PRKN: variants seen among roughly 807,000 people sequenced by gnomAD.
PRKN encodes parkin RBR E3 ubiquitin protein ligase, also known as E3 ubiquitin-protein ligase parkin.
PRKN carries 56 observed loss-of-function variants against 59.5 expected under a neutral mutation model. The observed-to-expected ratio is 0.94, with a 90% CI of 0.76 to 1.18. The LOEUF is 1.18. Among genes scored for constraint, PRKN ranks in the 50% most tolerant of loss-of-function variants. The pLI is 0.00. For missense variants in PRKN, 657 were observed against 596.4 expected (o/e 1.10, Z -1.06); for synonymous variants, 250 against 222.1 (o/e 1.13, Z -1.12).
chr6:162,709,589 G>A (rs1778454652), intron 1 of PRKN, among the ~76,000 whole-genome samples: 1 of 152,158 alleles, frequency 6.6e-6, no homozygotes. Context: ...AAGGGCAATT[G>A]ATGCCAATAT....
At chr6:162,612,679 A>G (rs946050069) in intron 1 of PRKN, among the ~76,000 whole-genome samples, 4 of 152,048 alleles carry the variant, frequency 2.6e-5, no homozygotes, top group Non-Finnish European at 4.4e-5. Context: ...CATCAACAGC[A>G]TAAGTTCTTC....
chr6:161,717,104 A>C (rs900355213), intron 7 of PRKN, among the ~76,000 whole-genome samples: 1 of 152,180 alleles, frequency 6.6e-6, no homozygotes, highest in Non-Finnish European at 1.5e-5. Flanking sequence ...GGCAAGAAAC[A>C]CACAGGATGT....
intron 7 of PRKN, among the ~76,000 whole-genome samples, chr6:161,686,271 G>A (rs891081499): frequency 2.0e-5 from 3 of 152,086 alleles, no homozygotes; most frequent in African/African-American, 7.2e-5. Context: ...CACTTGGTGG[G>A]ATTTCAGCAA....
Position 162,595,548 on chromosome 6 carries a change from G to A in PRKN, c.7+132114C>T, listed in dbSNP as rs375958231. Among the ~76,000 whole-genome samples, 16 of 152,174 alleles carry A rather than the reference G, an allele frequency of 1.1e-4. No individual in the cohort carries two copies. The East Asian group carries it at 2.3e-3, about 22-fold the overall frequency. ...TGGGATTACAGGCGTGAGCCACTGC[G>A]CCTGGCTTGTTCCTGATTTTTCTTG... On this transcript the variant is annotated intron_variant, in intron 1 of 11. Coordinates refer to ENST00000366898, the MANE Select transcript of PRKN (RefSeq NM_004562.3).
At chr6:162,405,506 G>C (rs1788012811) in intron 2 of PRKN, among the ~76,000 whole-genome samples, 1 of 152,094 alleles carries the variant, frequency 6.6e-6, no homozygotes, top group African/African-American at 2.4e-5. Context: ...TGTGGTGATG[G>C]GAATGCAGAT....
intron 4 of PRKN, among the ~76,000 whole-genome samples, chr6:162,074,231 C>T (rs1321800622): frequency 7.4e-6 from 1 of 134,372 alleles, no homozygotes; most frequent in African/African-American, 2.9e-5. Flanking sequence ...GGAACCAACC[C>T]AAATGTCCAA....
Position 161,911,285 on chromosome 6 carries a change from G to A in PRKN, c.734+62017C>T, listed in dbSNP as rs145231531. Among the ~76,000 whole-genome samples, 253 of 152,166 alleles carry A rather than the reference G, an allele frequency of 1.7e-3. 1 individual carries two copies. The highest frequency in any genetic ancestry group is 5.6e-3 in the African/African-American group (234 of 41,514). ...CACAGCTGGCACAATTGTCACAGTC[G>A]CTCCCCTTTGTGACAGGCTGGTGGA... On this transcript the variant is annotated intron_variant, in intron 6 of 11. Transcript: ENST00000366898.
chr6:161,996,606 G>A (rs1431606114), intron 5 of PRKN, among the ~76,000 whole-genome samples: 1 of 151,974 alleles, frequency 6.6e-6, no homozygotes, highest in Non-Finnish European at 1.5e-5. Flanking sequence ...AGTAATTTCA[G>A]CTAATTAAAT....
chr6:162,317,874 T>C (rs1021031010), intron 2 of PRKN, among the ~76,000 whole-genome samples: 1 of 152,004 alleles, frequency 6.6e-6, no homozygotes, highest in East Asian at 2.0e-4. Context: ...TAATTGAATA[T>C]AGATACAGGT....
Position 161,440,127 on chromosome 6 carries a change from G to T in PRKN, c.1084-53250C>A, listed in dbSNP as rs1025559649. 6.6e-6 allele frequency among the ~76,000 whole-genome samples: 1 copy of T among 150,620 alleles called. No homozygotes were observed. Among genetic ancestry groups the T allele is most frequent in the Admixed American group, 6.6e-5 (1 of 15,092 alleles). The stretch of plus-strand genomic sequence containing the variant: ...CACCACGCCCGGCTAATTTTTTTTG[G>T]TATTTTTAGTAGAGACGGGGTTTCA... On this transcript the variant is annotated intron_variant, in intron 9 of 11. Transcript: ENST00000366898. This position sits in a 1 kb window ranked among gnomAD's most constrained non-coding sequence, Gnocchi z 4.1.
intron 4 of PRKN, among the ~76,000 whole-genome samples, chr6:162,188,665 C>A (rs1406398431): frequency 1.3e-5 from 2 of 151,816 alleles, no homozygotes; most frequent in East Asian, 3.9e-4. Flanking sequence ...TACTCTGTCC[C>A]TTTTTAATGC....
intron 7 of PRKN, among the ~76,000 whole-genome samples, chr6:161,680,755 ATATATATATATATATATATAT>A (rs1213257837): frequency 0.012 from 221 of 18,058 alleles, 10 homozygotes; most frequent in Non-Finnish European, 0.019. Flanking sequence ...ATATATATAT[ATATATATATATATATATATAT>A]TTTTTTTTTT....
At position 161,386,824 on chromosome 6, in the gene PRKN, G is replaced by A. The variant is rs761813150; in HGVS notation, c.1137C>T (p.Ala379=). Residue 379 remains alanine (A), a synonymous_variant, in exon 10 of 12, where the codon GCC becomes GCT. Transcript: ENST00000366898. The surrounding 1 kb of genome is among the most constrained non-coding windows in gnomAD (Gnocchi z 4.3). ...TAGTTGTTCCTGAGGCTTCAAATAC[G>A]GCACTGCACTCCCCTTCATGGTACG... ...KEAYHEGECS[A]VFEASGTTTQ... 1.8e-5 allele frequency: 29 copies of A among 1,613,812 alleles called. No individual in the cohort carries two copies. The African/African-American group carries it at 2.7e-4, about 15-fold the overall frequency.
intron 1 of PRKN, among the ~76,000 whole-genome samples, chr6:162,544,485 T>C (rs1483217001): frequency 6.6e-6 from 1 of 152,110 alleles, no homozygotes; most frequent in Non-Finnish European, 1.5e-5. Context: ...TATTTGACGT[T>C]GCAGACTTTT....
intron 6 of PRKN, among the ~76,000 whole-genome samples, chr6:161,913,455 T>G (rs932812087): frequency 1.3e-5 from 2 of 152,172 alleles, no homozygotes; most frequent in African/African-American, 4.8e-5. Context: ...ATTGAAAAAC[T>G]GAGTAATATT....
intron 5 of PRKN, among the ~76,000 whole-genome samples, chr6:162,021,928 T>C (rs796836767): frequency 3.9e-5 from 6 of 152,290 alleles, no homozygotes; most frequent in African/African-American, 7.2e-5. Flanking sequence ...TTCCCACTTA[T>C]AAGTGAGAAC....
At chr6:161,368,762 T>C (rs1191014650) in intron 10 of PRKN, among the ~76,000 whole-genome samples, 1 of 150,988 alleles carries the variant, frequency 6.6e-6, no homozygotes, top group Non-Finnish European at 1.5e-5. Flanking sequence ...GCCTGGCCGG[T>C]TCTCCCTTCC....
chr6:161,462,255 T>C lies in PRKN; in HGVS notation c.1084-75378A>G, dbSNP rs1456160614. On this transcript the variant is annotated intron_variant, in intron 9 of 11. Transcript: ENST00000366898. This position sits in a 1 kb window ranked among gnomAD's most constrained non-coding sequence, Gnocchi z 4.5. ...AGATCAAAAGTGAGCCTGAATCATT[T>C]ACATCTAACAATGTTATCTAGACAG... is the stretch of plus-strand genomic sequence containing the variant. Among the ~76,000 whole-genome samples the C allele has an allele frequency of 6.6e-6, 1 of 152,240 alleles. No individual in the cohort carries two copies. The highest frequency in any genetic ancestry group is 6.5e-5 in the Admixed American group (1 of 15,286).
intron 7 of PRKN, among the ~76,000 whole-genome samples, chr6:161,683,724 ACTG>A: frequency 6.6e-6 from 1 of 152,202 alleles, no homozygotes; most frequent in Non-Finnish European, 1.5e-5. Flanking sequence ...AAGAAGGCTT[ACTG>A]CTGTGACCAT....
Sources: allele counts gnomAD v4.1 joint callset (sites outside exome capture counted in the v4.1 genomes callset), GRCh38; gene constraint gnomAD v4.1.1; non-coding constraint Gnocchi (gnomAD v3.1); transcripts MANE v1.5; gene names NCBI Gene and HGNC (gene_info 2026-07-23, HGNC 2026-07-21).